Variants in PCDH15 observed in about 807,000 individuals in gnomAD.
PCDH15 encodes the protein protocadherin related 15.
In PCDH15, 129 loss-of-function variants were observed where a neutral mutation model predicts 178.5. The observed-to-expected ratio is 0.72, with a 90% CI of 0.63 to 0.84. The LOEUF is 0.84. PCDH15 is among the 40% of genes least tolerant of loss of function. The pLI is 0.00. For synonymous variants in PCDH15, 800 were observed against 732.0 expected (o/e 1.09, Z -1.50); for missense variants, 2,230 against 2,099.9 (o/e 1.06, Z -1.21).
At chr10:54,749,259 A>C (rs937430285) in intron 1 of PCDH15, among the ~76,000 whole-genome samples, 6 of 152,226 alleles carry the variant, frequency 3.9e-5, no homozygotes, top group African/African-American at 1.4e-4. Flanking sequence ...GTGAACATAT[A>C]TTTAAACATG....
chr10:54,444,413 C>T (rs2076022572), intron 3 of PCDH15, among the ~76,000 whole-genome samples: 1 of 151,734 alleles, frequency 6.6e-6, no homozygotes, highest in Admixed American at 6.6e-5. Context: ...TACTCCCTGA[C>T]CTGGAGTAGC....
intron 2 of PCDH15, among the ~76,000 whole-genome samples, chr10:55,139,955 T>G (rs1420302398): frequency 6.6e-6 from 1 of 152,078 alleles, no homozygotes; most frequent in African/African-American, 2.4e-5. Context: ...CATCAAAATT[T>G]CATTATTTTA....
At chr10:54,437,026 G>A (rs538160974) in intron 3 of PCDH15, among the ~76,000 whole-genome samples, 140 of 152,274 alleles carry the variant, frequency 9.2e-4, no homozygotes, top group Admixed American at 2.3e-3. Flanking sequence ...TTTAAATCAT[G>A]AGAAATCTGA....
At chr10:54,186,043 A>T (rs536305039) in intron 11 of PCDH15, among the ~76,000 whole-genome samples, 1 of 152,064 alleles carries the variant, frequency 6.6e-6, no homozygotes, top group Admixed American at 6.6e-5. Flanking sequence ...AAGACAACAT[A>T]CTCTAATTTA....
intron 23 of PCDH15, among the ~76,000 whole-genome samples, chr10:53,953,980 C>T (rs926727755): frequency 1.3e-5 from 2 of 151,946 alleles, no homozygotes; most frequent in Admixed American, 1.3e-4. Context: ...TTAGTAGAGA[C>T]AGGGTTTCAC....
chr10:54,918,274 G>C (rs1450129957), intron 2 of PCDH15, among the ~76,000 whole-genome samples: 1 of 151,942 alleles, frequency 6.6e-6, no homozygotes, highest in East Asian at 1.9e-4. Context: ...AATCAGATAT[G>C]ACAAGTCCCT....
At chr10:55,235,906 C>CA (rs144784085) in intron 1 of PCDH15, among the ~76,000 whole-genome samples, 8,606 of 114,738 alleles carry the variant, frequency 0.075, 903 homozygotes, top group East Asian at 0.12. Context: ...GACTCCATGT[C>CA]AAAAAAAAAA....
At chr10:55,039,915 AAAAC>A (rs1194889722) in intron 2 of PCDH15, among the ~76,000 whole-genome samples, 3 of 152,142 alleles carry the variant, frequency 2.0e-5, no homozygotes, top group Non-Finnish European at 2.9e-5. Context: ...CAAAAGTGAC[AAAAC>A]AAACAAACAA....
intron 8 of PCDH15, among the ~76,000 whole-genome samples, chr10:54,290,058 C>A (rs1210110550): frequency 1.3e-5 from 2 of 152,000 alleles, no homozygotes; most frequent in East Asian, 3.9e-4. Context: ...ACCACAGACA[C>A]TCCTTGAGAA....
chr10:54,535,709 CAAAAAAAAAAAA>C (rs71010382), intron 2 of PCDH15, among the ~76,000 whole-genome samples: 7 of 42,618 alleles, frequency 1.6e-4, no homozygotes, highest in Admixed American at 7.4e-4. Flanking sequence ...GACTCCACCT[CAAAAAAAAAAAA>C]AAAAAAAAAA....
At chr10:55,596,747 CATT>C (rs1254454721) in intron 2 of PCDH15, among the ~76,000 whole-genome samples, 2 of 151,972 alleles carry the variant, frequency 1.3e-5, no homozygotes, top group Non-Finnish European at 2.9e-5. Context: ...AATAGTATGA[CATT>C]ATGCCATGTT....
intron 2 of PCDH15, among the ~76,000 whole-genome samples, chr10:55,485,074 A>G (rs1304550926): frequency 6.6e-6 from 1 of 151,790 alleles, no homozygotes; most frequent in Non-Finnish European, 1.5e-5. Context: ...CCAGCAAAGG[A>G]AACAATCATC....
At chr10:54,356,976 A>T (rs1264879875) in intron 5 of PCDH15, among the ~76,000 whole-genome samples, 1 of 152,176 alleles carries the variant, frequency 6.6e-6, no homozygotes, top group African/African-American at 2.4e-5. Context: ...CATGCTAAAA[A>T]ATCTCAATAA....
intron 1 of PCDH15, among the ~76,000 whole-genome samples, chr10:54,678,240 G>A (rs541548342): frequency 5.9e-5 from 9 of 152,192 alleles, no homozygotes; most frequent in African/African-American, 2.2e-4. Context: ...AATGCATTTT[G>A]GGCATAGTCA....
intron 2 of PCDH15, among the ~76,000 whole-genome samples, chr10:54,563,651 A>G (rs919847536): frequency 1.3e-5 from 2 of 152,150 alleles, no homozygotes; most frequent in Admixed American, 6.6e-5. Context: ...AGCTCAATTA[A>G]CAATATCTTT....
chr10:54,406,093 C>T (rs145654104), intron 3 of PCDH15, among the ~76,000 whole-genome samples: 69 of 152,012 alleles, frequency 4.5e-4, no homozygotes, highest in African/African-American at 1.5e-3. Context: ...AACAGATCTG[C>T]GTACTAAATA....
At chr10:54,002,128 G>A (rs1034859921) in intron 20 of PCDH15, among the ~76,000 whole-genome samples, 4 of 150,258 alleles carry the variant, frequency 2.7e-5, no homozygotes, top group African/African-American at 9.8e-5. Flanking sequence ...CAGTGTGTGT[G>A]TGTATATATA....
intron 2 of PCDH15, among the ~76,000 whole-genome samples, chr10:54,622,594 T>C (rs1254336061): frequency 8.9e-5 from 4 of 45,100 alleles, no homozygotes; most frequent in Non-Finnish European, 1.8e-4. Flanking sequence ...ATATATATAA[T>C]ATATAATATA....
intron 3 of PCDH15, among the ~76,000 whole-genome samples, chr10:54,380,977 A>C (rs1949162490): frequency 6.6e-6 from 1 of 151,352 alleles, no homozygotes; most frequent in Admixed American, 6.6e-5. Flanking sequence ...AACTCAACAA[A>C]AAATCTTTCT....
Sources: allele counts gnomAD v4.1 joint callset (sites outside exome capture counted in the v4.1 genomes callset), GRCh38; gene constraint gnomAD v4.1.1; transcripts MANE v1.5; gene names NCBI Gene and HGNC (gene_info 2026-07-23, HGNC 2026-07-21).